ABCG2: variants seen among roughly 807,000 people sequenced by gnomAD.
ABCG2 encodes broad substrate specificity ATP-binding cassette transporter ABCG2.
ABCG2 carries 80 observed loss-of-function variants against 73.5 expected under a neutral mutation model. The observed-to-expected ratio is 1.09, with a 90% CI of 0.91 to 1.31. The LOEUF is 1.31. ABCG2 is among the 50% of genes most tolerant of loss of function. The pLI is 0.00. For synonymous variants in ABCG2, 269 were observed against 282.4 expected, an observed-to-expected ratio of 0.95 and a Z score of 0.48; for missense variants, 796 against 786.2, an observed-to-expected ratio of 1.01 and a Z score of -0.15.
intron 1 of ABCG2, among the ~76,000 whole-genome samples, chr4:88,212,962 G>A (rs964671597): frequency 4.6e-5 from 7 of 152,062 alleles, no homozygotes; most frequent in Admixed American, 1.3e-4. Context: ...GTGCAGTGGC[G>A]AGATCTTAGC....
intron 5 of ABCG2, among the ~76,000 whole-genome samples, chr4:88,123,380 T>C (rs2110025478): frequency 6.6e-6 from 1 of 152,188 alleles, no homozygotes; most frequent in Admixed American, 6.5e-5. Context: ...TAAAGGTGCA[T>C]ATTCTAACCC....
At chr4:88,117,724 C>A (rs1454213516) in intron 7 of ABCG2, among the ~76,000 whole-genome samples, 1 of 152,168 alleles carries the variant, frequency 6.6e-6, no homozygotes, top group African/African-American at 2.4e-5. Flanking sequence ...AATTTTAAGG[C>A]CTCATCTGTT....
chr4:88,159,771 T>A (rs1727201184), upstream of ABCG2, among the ~76,000 whole-genome samples: 1 of 152,224 alleles, frequency 6.6e-6, no homozygotes, highest in South Asian at 2.1e-4. Context: ...TGACTATACA[T>A]AATTTTTTAA....
At chr4:88,205,969 C>CCA (rs1036908259) in intron 1 of ABCG2, among the ~76,000 whole-genome samples, 8 of 152,198 alleles carry the variant, frequency 5.3e-5, no homozygotes, top group Non-Finnish European at 1.0e-4. Context: ...GCGTGAGCCA[C>CCA]CACGCCCAGC....
At chr4:88,202,376 A>ATATATATATATATATATG (rs1176057791) in intron 1 of ABCG2, among the ~76,000 whole-genome samples, 7 of 128,562 alleles carry the variant, frequency 5.4e-5, no homozygotes, top group Non-Finnish European at 1.2e-4. Flanking sequence ...ATATATATAT[A>ATATATATATATATATATG]TGTATATTTT....
chr4:88,170,457 A>T (rs1727714959), intron 1 of ABCG2, among the ~76,000 whole-genome samples: 1 of 152,208 alleles, frequency 6.6e-6, no homozygotes. Flanking sequence ...TCACTCCCAG[A>T]TAGATATTGA....
intron 1 of ABCG2, among the ~76,000 whole-genome samples, chr4:88,142,211 G>A (rs2046134): frequency 0.13 from 19,782 of 152,000 alleles, 3,455 homozygotes; most frequent in African/African-American, 0.4. Context: ...GGAAAATGCA[G>A]CAAAATGGGT....
chr4:88,114,315 T>C (rs763056682), intron 8 of ABCG2, among the ~76,000 whole-genome samples: 2 of 152,148 alleles, frequency 1.3e-5, no homozygotes, highest in African/African-American at 2.4e-5. Flanking sequence ...TACCATATAG[T>C]TCTAATTCTT....
intron 5 of ABCG2, among the ~76,000 whole-genome samples, chr4:88,123,399 G>A (rs1265288881): frequency 6.6e-6 from 1 of 152,042 alleles, no homozygotes; most frequent in East Asian, 1.9e-4. Context: ...CCAATGCAAG[G>A]AAGCTAAGAA....
chr4:88,185,592 T>C (rs77047724), intron 1 of ABCG2, among the ~76,000 whole-genome samples: 6,340 of 152,064 alleles, frequency 0.042, 191 homozygotes, highest in South Asian at 0.072. Flanking sequence ...GGAGAAAATA[T>C]TTGTAAACTA....
Position 88,107,206 on chromosome 4 carries a change from C to A in ABCG2, c.1255G>T (p.Asp419Tyr), listed in dbSNP as rs1195738208. The change falls in exon 10 of 16, where the codon GAT (aspartate) becomes TAT (tyrosine). Residue 419 changes from aspartate (D) to tyrosine (Y), a missense_variant. Asp to Tyr is a radical substitution (Grantham distance 160). Coordinates refer to ENST00000237612, the MANE Select transcript of ABCG2 (RefSeq NM_004827.3). ...IGAIYFGLKN[D>Y]STGIQNRAGV... ...TACCTGTTCTGGATTCCAGTAGAAT[C>A]ATTTTTTAGCCCAAAGTAAATGGCA... 2.5e-6 allele frequency: 4 copies of A among 1,613,072 alleles called. No individual in the cohort carries two copies. The highest frequency in any genetic ancestry group is 3.3e-5 in the Admixed American group (2 of 59,894).
chr4:88,173,126 C>T (rs959750551), intron 1 of ABCG2, among the ~76,000 whole-genome samples: 1 of 152,138 alleles, frequency 6.6e-6, no homozygotes, highest in Admixed American at 6.6e-5. Context: ...TGGAAGTCCT[C>T]AATTGTATTG....
intron 2 of ABCG2, among the ~76,000 whole-genome samples, chr4:88,135,120 C>T (rs1725154247): frequency 1.3e-5 from 2 of 152,182 alleles, no homozygotes; most frequent in Non-Finnish European, 2.9e-5. Context: ...ATACTATCTG[C>T]CCTTTATGGA....
intron 1 of ABCG2, among the ~76,000 whole-genome samples, chr4:88,223,224 G>C (rs536896395): frequency 6.6e-6 from 1 of 152,152 alleles, no homozygotes; most frequent in Non-Finnish European, 1.5e-5. Flanking sequence ...TAAGACTTTG[G>C]GGGACTGTTG....
intron 1 of ABCG2, chr4:88,220,695 G>A (rs549466930): frequency 1.3e-5 from 2 of 152,390 alleles, no homozygotes; most frequent in Admixed American, 1.3e-4. Context: ...ATCTTGAATT[G>A]TAGTTTCCAT....
chr4:88,227,559 T>C (rs9986107), intron 1 of ABCG2, among the ~76,000 whole-genome samples: 32,333 of 152,110 alleles, frequency 0.21, 4,020 homozygotes, highest in Non-Finnish European at 0.29. Context: ...TGGGAGCTTA[T>C]TAGAATGCCA....
At chr4:88,114,648 G>T in intron 8 of ABCG2, among the ~76,000 whole-genome samples, 1 of 151,104 alleles carries the variant, frequency 6.6e-6, no homozygotes, top group Non-Finnish European at 1.5e-5. Flanking sequence ...AAAAAAATCT[G>T]GTTGTTGCTT....
chr4:88,195,087 C>T (rs187914478), intron 1 of ABCG2, among the ~76,000 whole-genome samples: 109 of 152,062 alleles, frequency 7.2e-4, no homozygotes, highest in Admixed American at 1.7e-3. Context: ...AATATTTTAC[C>T]GCCAGGCCTG....
Position 88,118,244 on chromosome 4 carries a change from G to T in ABCG2, c.706C>A (p.Arg236=), listed in dbSNP as rs140207606. Residue 236 remains arginine, a synonymous_variant, in exon 7 of 16, where the codon CGA becomes AGA. Coordinates refer to ENST00000237612, the MANE Select transcript of ABCG2 (RefSeq NM_004827.3). ...TGATGAATGGAGAAGATGATTGTTC[G>T]TCCCTGCTTAGACATCCTAAGTTAA... ...LLLKRMSKQG[R]TIIFSIHQPR... 9.3e-6 allele frequency: 15 copies of T among 1,613,888 alleles called. No homozygotes were observed. The highest frequency in any genetic ancestry group is 1.6e-4 in the Middle Eastern group (1 of 6,082).
Sources: allele counts gnomAD v4.1 joint callset (sites outside exome capture counted in the v4.1 genomes callset), GRCh38; gene constraint gnomAD v4.1.1; transcripts MANE v1.5; gene names NCBI Gene and HGNC (gene_info 2026-07-23, HGNC 2026-07-21).